The following BCAS3 variants were observed in gnomAD, a reference collection of about 807,000 sequenced individuals.
BCAS3 encodes BCAS4/BCAS3 fusion.
In BCAS3, 53 loss-of-function variants were observed where a neutral mutation model predicts 116.1. That is an observed-to-expected ratio of 0.46 (90% CI 0.37 to 0.57). The LOEUF (loss-of-function observed/expected upper bound fraction) is 0.57, where lower values mean the gene tolerates loss of function less well. BCAS3 is among the 20% of genes least tolerant of loss of function. The probability of loss-of-function intolerance (pLI) is 0.00; values close to 1 mark genes in which losing one functional copy is unlikely to be tolerated. For synonymous variants in BCAS3, 391 were observed against 408.2 expected, an observed-to-expected ratio of 0.96 and a Z score of 0.51; for missense variants, 917 against 1,165.4, an observed-to-expected ratio of 0.79 and a Z score of 3.10.
At chr17:61,329,486 G>A (rs958160995) in intron 22 of BCAS3, among the ~76,000 whole-genome samples, 8 of 151,748 alleles carry the variant, frequency 5.3e-5, no homozygotes, top group Middle Eastern at 3.4e-3. Context: ...GACTACAGGC[G>A]CCCGCCACCA....
In BCAS3 at chr17:61,388,446, C is replaced by G. The variant is rs921304307; in HGVS notation, c.2594-3531C>G. The G allele has an allele frequency of 1.6e-6, 1 of 606,688 alleles. No individual in the cohort carries two copies. The highest frequency in any genetic ancestry group is 1.9e-5 in the African/African-American group (1 of 53,644). The allele number at this position is 606,688 out of a possible 1,614,324, so 37.6% of individuals were successfully genotyped here. A position where few individuals can be genotyped will look rare whatever the true frequency, so the allele number is the denominator to read the frequency against. ...TGGGACCCCCAAGACAGATTGGTCC[C>G]CAGCCCCTACACATGCATGTCACTG... On this transcript the variant is annotated intron_variant, in intron 23 of 23. Coordinates refer to ENST00000407086, the MANE Select transcript of BCAS3 (RefSeq NM_017679.5). The surrounding 1 kb of genome is among the most constrained non-coding windows in gnomAD (Gnocchi z 6.5).
At chr17:60,900,397 G>A (rs560317554) in intron 10 of BCAS3, among the ~76,000 whole-genome samples, 7 of 152,058 alleles carry the variant, frequency 4.6e-5, no homozygotes, top group African/African-American at 1.7e-4. Context: ...TTCCATGGTT[G>A]GGGATGTGGG....
chr17:61,082,178 C>T lies in BCAS3; in HGVS notation c.2328-2289C>T, dbSNP rs1601081707. ...GCTGAGTATGCAAAGCCTCTCTTTCCACTCGATTAGCTCCTCAGAAATTGG... is the reference window on the plus strand; with the variant it reads ...GCTGAGTATGCAAAGCCTCTCTTTCTACTCGATTAGCTCCTCAGAAATTGG... On this transcript the variant is annotated intron_variant, in intron 21 of 23. Transcript: ENST00000407086. The surrounding 1 kb of genome is among the most constrained non-coding windows in gnomAD (Gnocchi z 5.1). Among the ~76,000 whole-genome samples the T allele has an allele frequency of 6.6e-6, 1 of 152,164 alleles. No homozygotes were observed. The highest frequency in any genetic ancestry group is 2.4e-5 in the African/African-American group (1 of 41,438).
chr17:60,679,529 C>A lies in BCAS3; in HGVS notation c.72C>A (p.Pro24=). The change falls in exon 2 of 24, where the codon CCC becomes CCA. Residue 24 remains proline (P), a synonymous_variant. Transcript: ENST00000407086. ...GTACTGGTGGAGTTGTGGTTCGCCC[C>A]CAGGCTGTCACGTAAGCACATTTCA... The part of the protein sequence containing the change: ...SRCTGGVVVR[P]QAVTEQSYME... 1 of 1,612,812 alleles carries A rather than the reference C, an allele frequency of 6.2e-7. No homozygotes were observed. Among genetic ancestry groups the A allele is most frequent in the African/African-American group, 1.3e-5 (1 of 75,006 alleles).
intron 6 of BCAS3, among the ~76,000 whole-genome samples, chr17:60,800,207 T>C (rs1354500049): frequency 6.6e-6 from 1 of 152,236 alleles, no homozygotes; most frequent in Non-Finnish European, 1.5e-5. Flanking sequence ...ATATTTCCGC[T>C]GTGGCATTTT....
At chr17:60,890,310 C>T (rs953043211) in intron 10 of BCAS3, among the ~76,000 whole-genome samples, 6 of 151,822 alleles carry the variant, frequency 4.0e-5, no homozygotes, top group Non-Finnish European at 5.9e-5. Flanking sequence ...AAAAATTAGC[C>T]GGGCGTGGTG....
Position 61,065,654 on chromosome 17 carries a change from A to G in BCAS3, c.2030-9266A>G, listed in dbSNP as rs1335726456. Among the ~76,000 whole-genome samples, 4 of 152,152 alleles carry G rather than the reference A, an allele frequency of 2.6e-5. No individual in the cohort carries two copies. Among genetic ancestry groups the G allele is most frequent in the Non-Finnish European group, 5.9e-5 (4 of 68,012 alleles). ...ATTCATCTCTCAGGTCTCCACTAAAAACTTTCACGTGCTAAGGGTTTTATT... is the reference window on the plus strand; with the variant it reads ...ATTCATCTCTCAGGTCTCCACTAAAGACTTTCACGTGCTAAGGGTTTTATT... On this transcript the variant is annotated intron_variant, in intron 19 of 23. Coordinates refer to ENST00000407086, the MANE Select transcript of BCAS3 (RefSeq NM_017679.5). This position sits in a 1 kb window ranked among gnomAD's most constrained non-coding sequence, Gnocchi z 4.8.
At chr17:61,146,112 T>TG (rs1479765947) in intron 22 of BCAS3, among the ~76,000 whole-genome samples, 2 of 25,846 alleles carry the variant, frequency 7.7e-5, no homozygotes, top group East Asian at 2.6e-3. Flanking sequence ...ACTGGTTTTT[T>TG]GTTTTTTTTT....
At chr17:60,796,671 C>G (rs1360635808) in intron 6 of BCAS3, among the ~76,000 whole-genome samples, 7 of 152,008 alleles carry the variant, frequency 4.6e-5, no homozygotes, top group Non-Finnish European at 8.8e-5. Flanking sequence ...TAAGAACCAG[C>G]TTTTTGTTTA....
chr17:61,121,489 T>C (rs1212733040), intron 22 of BCAS3, among the ~76,000 whole-genome samples: 1 of 152,216 alleles, frequency 6.6e-6, no homozygotes, highest in African/African-American at 2.4e-5. Flanking sequence ...CTGCTTTGCA[T>C]TTTAATGAAC....
At chr17:61,089,986 C>T (rs1434177681) in intron 22 of BCAS3, among the ~76,000 whole-genome samples, 3 of 152,140 alleles carry the variant, frequency 2.0e-5, no homozygotes, top group African/African-American at 7.2e-5. Flanking sequence ...GTTCAGTCTA[C>T]AATGATGTGG....
rs2051078140 is a variant in BCAS3, at chr17:61,279,755, C to G, written c.2426-88572C>G. Reference sequence around the variant, plus strand: ...ACTGGGCCTCCATGGTGAGGTGGCACTGGTCCCTCTGCTTGAGTGAAGAAA... The same window carrying G: ...ACTGGGCCTCCATGGTGAGGTGGCAGTGGTCCCTCTGCTTGAGTGAAGAAA... On this transcript the variant is annotated intron_variant, in intron 22 of 23. Transcript: ENST00000407086. The surrounding 1 kb of genome is among the most constrained non-coding windows in gnomAD (Gnocchi z 4.4). Among the ~76,000 whole-genome samples the G allele has an allele frequency of 6.6e-6, 1 of 151,232 alleles. No homozygotes were observed. Among genetic ancestry groups the G allele is most frequent in the Non-Finnish European group, 1.5e-5 (1 of 67,924 alleles).
chr17:61,133,586 T>C (rs2076452749), intron 22 of BCAS3, among the ~76,000 whole-genome samples: 2 of 152,098 alleles, frequency 1.3e-5, no homozygotes, highest in East Asian at 3.9e-4. Context: ...ACTTAGTAAT[T>C]TTCAGGACTG....
chr17:61,149,340 CAAG>C (rs936484270), intron 22 of BCAS3, among the ~76,000 whole-genome samples: 7 of 151,786 alleles, frequency 4.6e-5, no homozygotes, highest in African/African-American at 1.7e-4. Context: ...AATACTTAGG[CAAG>C]AAGATTATTC....
intron 22 of BCAS3, among the ~76,000 whole-genome samples, chr17:61,103,155 G>A (rs777914647): frequency 2.0e-5 from 3 of 152,040 alleles, no homozygotes; most frequent in African/African-American, 2.4e-5. Flanking sequence ...TCTTGTACCC[G>A]CATCCCTACC....
chr17:60,779,781 G>T (rs566608734), intron 6 of BCAS3, among the ~76,000 whole-genome samples: 1 of 152,254 alleles, frequency 6.6e-6, no homozygotes, highest in Non-Finnish European at 1.5e-5. Flanking sequence ...AAGCATGTCA[G>T]ATAAGGGGTA....
At chr17:61,301,845 CA>C (rs1401248753) in intron 22 of BCAS3, among the ~76,000 whole-genome samples, 1 of 152,012 alleles carries the variant, frequency 6.6e-6, no homozygotes, top group Non-Finnish European at 1.5e-5. Flanking sequence ...TAGTAATCAC[CA>C]AATGGGATTA....
rs1181101812 is a variant in BCAS3 at position 61,313,325 on chromosome 17, A to G, written c.2426-55002A>G. Among the ~76,000 whole-genome samples the G allele has an allele frequency of 6.6e-6, 1 of 152,206 alleles. No individual in the cohort carries two copies. Among genetic ancestry groups the G allele is most frequent in the Non-Finnish European group, 1.5e-5 (1 of 68,028 alleles). ...CTCCAAAGACTGTCTTCCCTCCACC[A>G]TGCCCTACTACCTTCCTATAGGAAG... On this transcript the variant is annotated intron_variant, in intron 22 of 23. Transcript: ENST00000407086. The surrounding 1 kb of genome is among the most constrained non-coding windows in gnomAD (Gnocchi z 4.3).
intron 19 of BCAS3, chr17:61,069,895 G>C: frequency 7.8e-7 from 1 of 1,275,512 alleles, no homozygotes; most frequent in Non-Finnish European, 1.1e-6. Flanking sequence ...GAAGAAGGAA[G>C]CTCCTGCCCC....
Sources: gnomAD v4.1 joint callset for allele counts (sites outside exome capture counted in the v4.1 genomes callset) on GRCh38, gnomAD v4.1.1 for gene constraint, Gnocchi (gnomAD v3.1) non-coding constraint, MANE v1.5 for transcripts, NCBI Gene and HGNC (gene_info 2026-07-23, HGNC 2026-07-21) for gene names.